The following LUC7L2 variants were observed in gnomAD, a reference collection of about 807,000 sequenced individuals.
The protein encoded by LUC7L2 is LUC7 like 2, pre-mRNA splicing factor.
A neutral mutation model predicts 52.8 loss-of-function variants in LUC7L2; 25 were observed. That is an observed-to-expected ratio of 0.47 (90% confidence interval 0.34 to 0.66). LUC7L2 has a LOEUF of 0.66. LUC7L2 is among the 30% of genes least tolerant of loss of function. LUC7L2 has a pLI of 0.01. For synonymous variants in LUC7L2, 144 were observed against 160.9 expected (o/e 0.89, Z 0.80); for missense variants, 328 against 497.8 (o/e 0.66, Z 3.25).
chr7:139,401,025 T>G (rs571170488), intron 3 of LUC7L2, among the ~76,000 whole-genome samples: 45 of 152,226 alleles, frequency 3.0e-4, no homozygotes, highest in Non-Finnish European at 3.4e-4. Context: ...CAGTAAGATT[T>G]GGAAGTCCAA....
Position 139,371,564 on chromosome 7 carries a change from G to T in LUC7L2, c.62-4498G>T. 3.9e-6 allele frequency: 5 copies of T among 1,297,988 alleles called. No homozygotes were observed. In the Middle Eastern group the frequency reaches 7.6e-4, roughly 196 times the overall value. 80.4% of individuals were successfully genotyped at this position (1,297,988 alleles called of 1,614,324 possible). On this transcript the variant is annotated intron_variant, in intron 1 of 9. Transcript: ENST00000354926. ...AGGGAGAGGGTGGGTAGTACTGGGGGGAGGGGGCGGATATTGGGAAGATAG... is the reference window on the plus strand; with the variant it reads ...AGGGAGAGGGTGGGTAGTACTGGGGTGAGGGGGCGGATATTGGGAAGATAG...
intron 2 of LUC7L2, among the ~76,000 whole-genome samples, chr7:139,389,425 C>T (rs1043948762): frequency 6.6e-5 from 10 of 152,116 alleles, no homozygotes; most frequent in East Asian, 1.9e-4. Context: ...GAAATCTTCT[C>T]GTTCCAGTTA....
chr7:139,341,914 T>C (rs546879515), intron 1 of LUC7L2, among the ~76,000 whole-genome samples: 1 of 152,320 alleles, frequency 6.6e-6, no homozygotes, highest in Admixed American at 6.5e-5. Flanking sequence ...AGCCACAGCA[T>C]CTGGCCAACA....
At chr7:139,359,618 G>A, upstream of LUC7L2, 1 of 395,722 alleles carries the variant, frequency 2.5e-6, no homozygotes, top group Non-Finnish European at 4.5e-6. Context: ...GGTCTGAATC[G>A]CCATCACCGC....
At chr7:139,369,232 T>C (rs187972651) in intron 1 of LUC7L2, among the ~76,000 whole-genome samples, 91 of 152,348 alleles carry the variant, frequency 6.0e-4, no homozygotes, top group African/African-American at 2.1e-3. Context: ...TGTTACTATG[T>C]CAGAATTACA....
intron 1 of LUC7L2, among the ~76,000 whole-genome samples, chr7:139,368,719 CAG>C (rs767057583): frequency 1.5e-5 from 2 of 136,036 alleles, no homozygotes; most frequent in East Asian, 2.0e-4. Flanking sequence ...GCCTGGGCGA[CAG>C]AGTGAGACAC....
chr7:139,392,361 TAAC>T (rs1794479980), intron 2 of LUC7L2: 1 of 330,238 alleles, frequency 3.0e-6, no homozygotes, highest in Admixed American at 4.3e-5. Context: ...TTTGGGGAAA[TAAC>T]ATTCACTTTT....
intron 3 of LUC7L2, among the ~76,000 whole-genome samples, chr7:139,401,293 A>C (rs1346090915): frequency 4.6e-5 from 7 of 152,080 alleles, no homozygotes; most frequent in Admixed American, 1.3e-4. Flanking sequence ...TACTGTTAGC[A>C]TTTTGTATAG....
At chr7:139,400,421 A>G (rs1423092770) in intron 3 of LUC7L2, among the ~76,000 whole-genome samples, 1 of 152,192 alleles carries the variant, frequency 6.6e-6, no homozygotes, top group African/African-American at 2.4e-5. Context: ...AGGCAGGAGA[A>G]TCACTTGAAC....
chr7:139,418,096 C>CTTTGATTTATTGT, intron 9 of LUC7L2, among the ~76,000 whole-genome samples: 1 of 152,162 alleles, frequency 6.6e-6, no homozygotes, highest in East Asian at 1.9e-4. Flanking sequence ...AGTTGTTTAG[C>CTTTGATTTATTGT]TTTGATTTAT....
intron 1 of LUC7L2, among the ~76,000 whole-genome samples, chr7:139,349,993 C>T (rs1296588290): frequency 3.9e-5 from 6 of 152,166 alleles, no homozygotes; most frequent in Admixed American, 6.5e-5. Context: ...CACCTGGTCT[C>T]GGCAACCACT....
At chr7:139,341,405 G>C (rs1161350770) in intron 1 of LUC7L2, 2 of 1,613,312 alleles carry the variant, frequency 1.2e-6, no homozygotes, top group Admixed American at 3.3e-5. Context: ...TAGGGTCCCC[G>C]TCGCACACTT....
chr7:139,407,052 G>C, intron 5 of LUC7L2, 122 bp from the exon 6 acceptor site: 7 of 563,564 alleles, frequency 1.2e-5, no homozygotes, highest in Non-Finnish European at 6.6e-6. Flanking sequence ...GTGAGCCACC[G>C]TGCCCAGCCA....
At chr7:139,360,647 G>T (rs1363790738) in intron 1 of LUC7L2, among the ~76,000 whole-genome samples, 1 of 152,138 alleles carries the variant, frequency 6.6e-6, no homozygotes, top group Non-Finnish European at 1.5e-5. Context: ...CCGTTTTGTC[G>T]CTGGTTAGGT....
At chr7:139,410,080 G>C (rs1028189708) in intron 7 of LUC7L2, among the ~76,000 whole-genome samples, 1 of 152,028 alleles carries the variant, frequency 6.6e-6, no homozygotes, top group Non-Finnish European at 1.5e-5. Flanking sequence ...GGTGGCGGGC[G>C]CCTGTAGTCC....
chr7:139,385,165 T>A (rs1000849424), intron 2 of LUC7L2, among the ~76,000 whole-genome samples: 2 of 152,156 alleles, frequency 1.3e-5, no homozygotes, highest in African/African-American at 4.8e-5. Flanking sequence ...GATGTTTATT[T>A]AATGAATTTT....
At chr7:139,373,248 G>C (rs900758899) in intron 1 of LUC7L2, among the ~76,000 whole-genome samples, 8 of 152,180 alleles carry the variant, frequency 5.3e-5, no homozygotes, top group African/African-American at 1.9e-4. Context: ...AATTTGTTAA[G>C]TACTGCATGG....
chr7:139,360,361 C>T (rs1337522804), intron 1 of LUC7L2, 39 bp downstream of exon 1: 28 of 1,503,052 alleles, frequency 1.9e-5, no homozygotes, highest in Non-Finnish European at 2.5e-5. Flanking sequence ...GGGGAGGGGA[C>T]GGGGACGGCG....
intron 5 of LUC7L2, among the ~76,000 whole-genome samples, chr7:139,406,439 G>A (rs1281920371): frequency 2.0e-5 from 3 of 149,502 alleles, no homozygotes; most frequent in African/African-American, 7.4e-5. Context: ...TGAAACCTCT[G>A]CTTCCTGGGT....
Sources: gnomAD v4.1 joint callset for allele counts (sites outside exome capture counted in the v4.1 genomes callset) on GRCh38, gnomAD v4.1.1 for gene constraint, MANE v1.5 for transcripts, NCBI Gene and HGNC (gene_info 2026-07-23, HGNC 2026-07-21) for gene names.